PHF2: variants seen among roughly 807,000 people sequenced by gnomAD.
PHF2 encodes the protein PHD finger protein 2, also known as lysine-specific demethylase PHF2.
Under a neutral mutation model 120.5 loss-of-function variants are expected in PHF2, and 27 were observed. The ratio of observed to expected loss-of-function variants is 0.22; its 90% CI spans 0.17 to 0.31. PHF2 has a LOEUF of 0.31. Among genes scored for constraint, PHF2 ranks in the 10% least tolerant of loss-of-function variants. PHF2 has a pLI of 1.00. For missense variants in PHF2, 1,024 were observed against 1,434.8 expected (o/e 0.71, Z 4.63); for synonymous variants, 568 against 592.5 (o/e 0.96, Z 0.60).
Position 93,676,958 on chromosome 9 carries a change from C to A in PHF2, c.3197C>A (p.Ala1066Asp). 1.3e-6 allele frequency: 2 copies of A among 1,548,990 alleles called. No homozygotes were observed. The highest frequency in any genetic ancestry group is 8.7e-7 in the Non-Finnish European group (1 of 1,143,594). The change falls in exon 21 of 22, where the codon GCC becomes GAC. Residue 1066 changes from alanine (A) to aspartate (D), a missense_variant. By Grantham distance (126) the Ala-to-Asp change is moderately radical. Around this residue, in one of 2 missense-constraint regions of PHF2, gnomAD observed 677 missense variants for 857.4 expected, o/e 0.79. Transcript: ENST00000359246. ...TCGTCTCCAAACAACAACACCGCTG[C>A]CAAAGGTACTGTGCCTGCTGGAGGG... ...SASSPNNNTA[A>D]KGKRTKKGMA...
At position 93,673,799 on chromosome 9, in the gene PHF2, G is replaced by C. The variant is rs193921057; in HGVS notation, c.2563G>C (p.Asp855His). 5 of 1,612,004 alleles carry C rather than the reference G, an allele frequency of 3.1e-6. No individual in the cohort carries two copies. The highest frequency in any genetic ancestry group is 4.2e-6 in the Non-Finnish European group (5 of 1,178,762). Reference protein sequence around the residue: ...LLKRAAKNSVDLDDYEEEQDH... With the variant: ...LLKRAAKNSVHLDDYEEEQDH... ...GAAGAGGGCTGCCAAGAACAGTGTC[G>C]ACCTGGACGACTACGAGGAAGAGCA... Residue 855 changes from aspartate to histidine, a missense_variant, in exon 18 of 22, where the codon GAC (aspartate) becomes CAC (histidine). Asp to His is a moderately conservative substitution (Grantham distance 81). This residue lies in a region of PHF2 where 677 missense variants were observed against 857.4 expected (regional missense o/e 0.79). Coordinates refer to ENST00000359246, the MANE Select transcript of PHF2 (RefSeq NM_005392.4).
intron 1 of PHF2, among the ~76,000 whole-genome samples, chr9:93,585,847 T>C (rs1863032398): frequency 6.6e-6 from 1 of 152,184 alleles, no homozygotes; most frequent in Non-Finnish European, 1.5e-5. Context: ...CTTGGGCCAT[T>C]GGAAAGAGTA....
chr9:93,590,479 T>C (rs1441927593), intron 1 of PHF2, among the ~76,000 whole-genome samples: 1 of 152,232 alleles, frequency 6.6e-6, no homozygotes, highest in Non-Finnish European at 1.5e-5. Context: ...TCCTGGATGC[T>C]CAGTCCACAG....
chr9:93,641,407 G>A (rs1408508558), intron 3 of PHF2, among the ~76,000 whole-genome samples: 2 of 152,202 alleles, frequency 1.3e-5, no homozygotes, highest in Non-Finnish European at 2.9e-5. Context: ...AGCAGCTTCC[G>A]CTTCAGGTAA....
intron 17 of PHF2, 95 bp from the exon 18 acceptor site, chr9:93,673,490 G>A (rs1587723275): frequency 8.6e-7 from 1 of 1,160,394 alleles, no homozygotes; most frequent in East Asian, 2.6e-5. Flanking sequence ...CCAGGAGTTT[G>A]TGCAGGAGTT....
At chr9:93,641,905 A>G (rs1026224965) in intron 3 of PHF2, among the ~76,000 whole-genome samples, 8 of 152,152 alleles carry the variant, frequency 5.3e-5, no homozygotes, top group African/African-American at 1.9e-4. Flanking sequence ...TGTGAGTTTC[A>G]TAGTTTAAGC....
At chr9:93,615,619 G>T (rs1825718979) in intron 1 of PHF2, among the ~76,000 whole-genome samples, 1 of 151,782 alleles carries the variant, frequency 6.6e-6, no homozygotes, top group Admixed American at 6.5e-5. Flanking sequence ...GGCAATCATT[G>T]CCCAGGGTTT....
At chr9:93,582,379 G>A (rs1312181495) in intron 1 of PHF2, among the ~76,000 whole-genome samples, 2 of 152,198 alleles carry the variant, frequency 1.3e-5, no homozygotes, top group Admixed American at 1.3e-4. Context: ...ACTGAGCTAG[G>A]GGATGGGAGG....
intron 7 of PHF2, among the ~76,000 whole-genome samples, 191 bp downstream of exon 7, chr9:93,654,766 C>T (rs1000510776): frequency 5.9e-5 from 9 of 152,192 alleles, no homozygotes; most frequent in African/African-American, 2.2e-4. Flanking sequence ...CGGAGCTTAC[C>T]GCCACCCCAG....
chr9:93,601,277 T>C (rs1247411078), intron 1 of PHF2, among the ~76,000 whole-genome samples: 1 of 152,162 alleles, frequency 6.6e-6, no homozygotes, highest in Admixed American at 6.5e-5. Flanking sequence ...CAGCCCATGG[T>C]GGGAGCCTCT....
At position 93,624,547 on chromosome 9, in the gene PHF2, GATA is replaced by G. The variant is rs1431277048; in HGVS notation, c.99-5420_99-5418del. 9.1e-4 allele frequency among the ~76,000 whole-genome samples: 138 copies of G among 151,750 alleles called. 1 individual carries two copies. In the Middle Eastern group the frequency reaches 0.01, roughly 11 times the overall value. ...TGGTGATGATGATAGTGGTTGAAAT[GATA>G]ATGATGATAATGATGGTGTGGCGAT... On this transcript the variant is annotated intron_variant, in intron 1 of 21. Coordinates refer to ENST00000359246, the MANE Select transcript of PHF2 (RefSeq NM_005392.4).
chr9:93,649,597 C>T (rs924921176), intron 5 of PHF2, among the ~76,000 whole-genome samples: 4 of 151,982 alleles, frequency 2.6e-5, no homozygotes, highest in African/African-American at 9.7e-5. Flanking sequence ...CACTCAGACA[C>T]ATCTATGACA....
chr9:93,648,450 A>G lies in PHF2; in HGVS notation c.461-621A>G, dbSNP rs538077185. On this transcript the variant is annotated intron_variant, in intron 4 of 21. Transcript: ENST00000359246. Reference sequence around the variant, plus strand: ...GCCCCGGCATCCACCTCATCTGTCCACACTAAACCCCATGGCCTTGCAGTT... The same window carrying G: ...GCCCCGGCATCCACCTCATCTGTCCGCACTAAACCCCATGGCCTTGCAGTT... 1.2e-4 allele frequency among the ~76,000 whole-genome samples: 19 copies of G among 152,250 alleles called. No individual in the cohort carries two copies. In the South Asian group the frequency reaches 3.9e-3, roughly 32 times the overall value.
rs79775104 is a variant in PHF2, at chr9:93,653,375, G to A, written c.789+10G>A. 2,194 of 1,611,790 alleles carry A rather than the reference G, an allele frequency of 1.4e-3. 17 individuals carry two copies. In the African/African-American group the frequency reaches 0.022, roughly 16 times the overall value. On this transcript the variant is annotated intron_variant, in intron 6 of 21. Coordinates refer to ENST00000359246, the MANE Select transcript of PHF2 (RefSeq NM_005392.4). ...GTACCACGTGCTCAAGGTGAGCCACGCCCCTCGGGGCACCTCTGCCTTGCC... is the reference window on the plus strand; with the variant it reads ...GTACCACGTGCTCAAGGTGAGCCACACCCCTCGGGGCACCTCTGCCTTGCC...
chr9:93,662,185 G>T (rs960148615), intron 12 of PHF2, among the ~76,000 whole-genome samples: 2 of 151,900 alleles, frequency 1.3e-5, no homozygotes, highest in Non-Finnish European at 2.9e-5. Flanking sequence ...ATGGATGAAT[G>T]AATGGGTGAG....
At chr9:93,618,096 T>C (rs1303385411) in intron 1 of PHF2, among the ~76,000 whole-genome samples, 3 of 152,274 alleles carry the variant, frequency 2.0e-5, no homozygotes, top group East Asian at 1.9e-4. Context: ...ATCTTTCTAG[T>C]TATTGGGCTT....
chr9:93,676,472 G>A (rs1826912783), intron 20 of PHF2, 122 bp from the exon 21 acceptor site: 2 of 1,237,216 alleles, frequency 1.6e-6, no homozygotes, highest in African/African-American at 1.5e-5. Flanking sequence ...TCAGGCCTCA[G>A]GCCCCTGCTG....
intron 10 of PHF2, among the ~76,000 whole-genome samples, chr9:93,658,918 C>G (rs900029430): frequency 6.6e-6 from 1 of 152,288 alleles, no homozygotes; most frequent in African/African-American, 2.4e-5. Context: ...GAAGGTCTGG[C>G]CCAGCCTCGA....
intron 10 of PHF2, among the ~76,000 whole-genome samples, chr9:93,659,196 C>T (rs1000724171): frequency 2.0e-5 from 3 of 152,252 alleles, no homozygotes; most frequent in African/African-American, 4.8e-5. Context: ...CCAGGGCGCC[C>T]CTGCCACCTC....
Sources: allele counts gnomAD v4.1 joint callset (sites outside exome capture counted in the v4.1 genomes callset), GRCh38; gene constraint gnomAD v4.1.1; regional missense constraint gnomAD v4.1.1; transcripts MANE v1.5; gene names NCBI Gene and HGNC (gene_info 2026-07-23, HGNC 2026-07-21).